Variants in IWS1 observed in about 807,000 individuals in gnomAD.
IWS1 encodes protein IWS1 homolog.
Under a neutral mutation model 86.7 loss-of-function variants are expected in IWS1, and 27 were observed. The ratio of observed to expected loss-of-function variants is 0.31; its 90% CI spans 0.23 to 0.43. The LOEUF is 0.43. Among genes scored for constraint, IWS1 ranks in the 20% least tolerant of loss-of-function variants. The probability of loss-of-function intolerance (pLI) is 1.00; values close to 1 mark genes in which losing one functional copy is unlikely to be tolerated. For missense variants in IWS1, 827 were observed against 1,000.8 expected (o/e 0.83, Z 2.34); for synonymous variants, 313 against 335.1 (o/e 0.93, Z 0.72).
At chr2:127,511,073 C>T (rs1459980955) in intron 2 of IWS1, 1 of 152,192 alleles carries the variant, frequency 6.6e-6, no homozygotes, top group African/African-American at 2.4e-5. Context: ...ATGCTGTTCC[C>T]TTTACCAAGA....
At position 127,526,358 on chromosome 2, in the gene IWS1, TA is replaced by T. The variant is rs1692416251; in HGVS notation, c.-151del. ...ACGGGTGCGGAGGGTAAGAAAGCGGTAGCGGCAAAGGCGAATTCTTTGACCT... is the reference window on the plus strand; with the variant it reads ...ACGGGTGCGGAGGGTAAGAAAGCGGTGCGGCAAAGGCGAATTCTTTGACCT... On this transcript the variant is annotated 5_prime_UTR_variant, in exon 1 of 14. An upstream open reading frame in the 5' UTR loses its in-frame stop. Transcript: ENST00000295321. 3 of 1,536,860 alleles carry T rather than the reference TA, an allele frequency of 2.0e-6. No homozygotes were observed. The highest frequency in any genetic ancestry group is 2.6e-6 in the Non-Finnish European group (3 of 1,146,518).
Position 127,480,821 on chromosome 2 carries a change from GA to G in IWS1, c.*222del. ...GAGACAGCCCCCCAAAAACCAGAATGAAATTTTATTGTGTAAAGTTTATAGA... is the reference window on the plus strand; with the variant it reads ...GAGACAGCCCCCCAAAAACCAGAATGAATTTTATTGTGTAAAGTTTATAGA... On this transcript the variant is annotated 3_prime_UTR_variant, in exon 14 of 14. Coordinates refer to ENST00000295321, the MANE Select transcript of IWS1 (RefSeq NM_017969.3). The G allele has an allele frequency of 1.5e-5, 6 of 404,486 alleles. No individual in the cohort carries two copies. The highest frequency in any genetic ancestry group is 2.6e-5 in the Non-Finnish European group (6 of 233,932). 25.1% of individuals were successfully genotyped at this position (404,486 alleles called of 1,614,324 possible). A position where few individuals can be genotyped will look rare whatever the true frequency, so the allele number is the denominator to read the frequency against.
At chr2:127,526,657 C>T, upstream of IWS1, 6 of 1,322,644 alleles carry the variant, frequency 4.5e-6, no homozygotes, top group Non-Finnish European at 6.0e-6. Context: ...GGATCCTGGT[C>T]TGACCCCCGT....
Position 127,505,092 on chromosome 2 carries a change from G to T in IWS1, c.811C>A (p.Pro271Thr), listed in dbSNP as rs749858239. The change falls in exon 3 of 14, where the codon CCC becomes ACC. Residue 271 changes from proline (P) to threonine (T), a missense_variant. Physicochemically the swap from Pro to Thr is conservative, Grantham distance 38 (BLOSUM62 -1). Transcript: ENST00000295321. This position sits in a 1 kb window ranked among gnomAD's most constrained non-coding sequence, Gnocchi z 5.0. ...SDSENEELPKPRISDSESEDP... is the reference protein window; with the variant it reads ...SDSENEELPKTRISDSESEDP... ...TCACTTTCCGAATCACTGATTCGGGGTTTGGGAAGCTCTTCATTTTCTGAG... is the reference window on the plus strand; with the variant it reads ...TCACTTTCCGAATCACTGATTCGGGTTTTGGGAAGCTCTTCATTTTCTGAG... 73 of 1,610,516 alleles carry T rather than the reference G, an allele frequency of 4.5e-5. No homozygotes were observed. The highest frequency in any genetic ancestry group is 5.9e-5 in the Non-Finnish European group (70 of 1,178,090).
upstream of IWS1, chr2:127,526,776 A>C (rs549001995): frequency 5.1e-5 from 51 of 1,000,792 alleles, no homozygotes; most frequent in Admixed American, 1.2e-4. Context: ...TGCTCAAATG[A>C]CTTTTCCGTC....
At chr2:127,524,648 T>G (rs1692293824) in intron 1 of IWS1, among the ~76,000 whole-genome samples, 1 of 151,634 alleles carries the variant, frequency 6.6e-6, no homozygotes, top group Admixed American at 6.6e-5. Flanking sequence ...CAACAAGTGA[T>G]TCTCCTGCCT....
At chr2:127,523,140 G>A (rs1692193868) in intron 2 of IWS1, among the ~76,000 whole-genome samples, 2 of 152,102 alleles carry the variant, frequency 1.3e-5, no homozygotes, top group Non-Finnish European at 2.9e-5. Context: ...GAGCCCAGAG[G>A]CAGAGGCTGC....
Position 127,505,779 on chromosome 2 carries a change from G to A in IWS1, c.151-27C>T. 4 of 1,346,240 alleles carry A rather than the reference G, an allele frequency of 3.0e-6. No homozygotes were observed. The highest frequency in any genetic ancestry group is 2.4e-5 in the East Asian group (1 of 40,984). 83.4% of individuals were successfully genotyped at this position (1,346,240 alleles called of 1,614,324 possible). Reference sequence around the variant, plus strand: ...TGAAAAATAAAGTGAGAAAAAATTAGGAAAGTGCAAAAAAAAAAAAACCAT... The same window carrying A: ...TGAAAAATAAAGTGAGAAAAAATTAAGAAAGTGCAAAAAAAAAAAAACCAT... On this transcript the variant is annotated intron_variant, in intron 2 of 13. Transcript: ENST00000295321. This position sits in a 1 kb window ranked among gnomAD's most constrained non-coding sequence, Gnocchi z 5.0.
At chr2:127,483,684 C>T (rs897595424) in intron 13 of IWS1, among the ~76,000 whole-genome samples, 2 of 147,640 alleles carry the variant, frequency 1.4e-5, no homozygotes, top group African/African-American at 5.0e-5. Context: ...GGCTGGAGTG[C>T]AATGGCATGA....
chr2:127,498,304 C>A, intron 5 of IWS1, 67 bp from the exon 6 acceptor site: 1 of 1,496,226 alleles, frequency 6.7e-7, no homozygotes, highest in Non-Finnish European at 9.0e-7. Context: ...TAATATTTTG[C>A]ATTTTTAAAG....
rs139359861 is a variant in IWS1 at position 127,486,550 on chromosome 2, T to C, written c.2328+3A>G. ...CCACCTTGCCGATCCTCCGCTTGCT[T>C]ACCCTGGATGACTCCATTTCCACAT... On this transcript the variant is annotated splice_donor_region_variant and intron_variant, in intron 13 of 13. Transcript: ENST00000295321. 1,490 of 1,607,484 alleles carry C rather than the reference T, an allele frequency of 9.3e-4. 2 individuals are homozygous for C. Among genetic ancestry groups the C allele is most frequent in the Non-Finnish European group, 1.2e-3 (1,356 of 1,173,972 alleles).
upstream of IWS1, chr2:127,526,727 T>G (rs1370431967): frequency 7.8e-7 from 1 of 1,277,860 alleles, no homozygotes; most frequent in Non-Finnish European, 1.0e-6. Flanking sequence ...GTGCCTTGTT[T>G]GAAGAGCTTT....
chr2:127,518,723 G>C (rs958132341), intron 2 of IWS1, among the ~76,000 whole-genome samples: 1 of 151,832 alleles, frequency 6.6e-6, no homozygotes, highest in Non-Finnish European at 1.5e-5. Flanking sequence ...CTGTCACCAC[G>C]CCTGGCTAAT....
Position 127,505,605 on chromosome 2 carries a change from G to A in IWS1, c.298C>T (p.Arg100Cys), listed in dbSNP as rs768667391. Reference sequence around the variant, plus strand: ...GAATCGCTTGCAGGAGGCTCTGCACGTTCCTCAGATTCAGAGTCGCTGTCC... The same window carrying A: ...GAATCGCTTGCAGGAGGCTCTGCACATTCCTCAGATTCAGAGTCGCTGTCC... ...QKDSDSESEERAEPPASDSEN... is the reference protein window; with the variant it reads ...QKDSDSESEECAEPPASDSEN... Residue 100 changes from arginine (R) to cysteine (C), a missense_variant, in exon 3 of 14, where the codon CGT (arginine) becomes TGT (cysteine). Physicochemically the swap from Arg to Cys is radical, Grantham distance 180. Coordinates refer to ENST00000295321, the MANE Select transcript of IWS1 (RefSeq NM_017969.3). The surrounding 1 kb of genome is among the most constrained non-coding windows in gnomAD (Gnocchi z 5.0). 172 of 1,613,702 alleles carry A rather than the reference G, an allele frequency of 1.1e-4. No individual in the cohort carries two copies. In the South Asian group the frequency reaches 1.4e-3, roughly 13 times the overall value.
At chr2:127,520,213 G>A (rs1308835426) in intron 2 of IWS1, among the ~76,000 whole-genome samples, 2 of 152,080 alleles carry the variant, frequency 1.3e-5, no homozygotes, top group Non-Finnish European at 2.9e-5. Flanking sequence ...TCTGTCGCCA[G>A]GCTGGAGTGC....
intron 13 of IWS1, among the ~76,000 whole-genome samples, chr2:127,481,978 T>C (rs1036394960): frequency 6.6e-6 from 1 of 152,220 alleles, no homozygotes. Flanking sequence ...TTGGGGGCTA[T>C]TTTATATTTT....
chr2:127,511,759 G>T (rs1403506989), intron 2 of IWS1, among the ~76,000 whole-genome samples: 1 of 152,160 alleles, frequency 6.6e-6, no homozygotes, highest in African/African-American at 2.4e-5. Context: ...AATAATGTTT[G>T]CATTAAACAT....
chr2:127,513,753 C>T (rs1447436716), intron 2 of IWS1, among the ~76,000 whole-genome samples: 1 of 152,184 alleles, frequency 6.6e-6, no homozygotes, highest in Admixed American at 6.5e-5. Flanking sequence ...TTAATGAGCA[C>T]TGCAGAAATA....
chr2:127,515,001 G>GT (rs1377784249), intron 2 of IWS1: 1 of 152,238 alleles, frequency 6.6e-6, no homozygotes, highest in East Asian at 1.9e-4. Context: ...TGCATCACAA[G>GT]TAACATGTTC....
Sources: allele counts gnomAD v4.1 joint callset (sites outside exome capture counted in the v4.1 genomes callset), GRCh38; gene constraint gnomAD v4.1.1; non-coding constraint Gnocchi (gnomAD v3.1); transcripts MANE v1.5; gene names NCBI Gene and HGNC (gene_info 2026-07-23, HGNC 2026-07-21).